PHACTR2: variants seen among roughly 807,000 people sequenced by gnomAD.
PHACTR2 encodes phosphatase and actin regulator 2, also known as chromosome 6 open reading frame 56.
Under a neutral mutation model 76.0 loss-of-function variants are expected in PHACTR2, and 30 were observed. The observed-to-expected ratio is 0.39, with a 90% CI of 0.30 to 0.54. The LOEUF (loss-of-function observed/expected upper bound fraction) is 0.54, where lower values mean the gene tolerates loss of function less well. Among genes scored for constraint, PHACTR2 ranks in the 20% least tolerant of loss-of-function variants. The pLI, the probability that PHACTR2 is intolerant of heterozygous loss-of-function variation, is 0.61. For missense variants in PHACTR2, 696 were observed against 781.1 expected (o/e 0.89, Z 1.30); for synonymous variants, 292 against 292.5 (o/e 1.00, Z 0.02).
rs1014190106 is a variant in PHACTR2 at position 143,625,235 on chromosome 6, A to C, written c.13+16913A>C. Among the ~76,000 whole-genome samples the C allele has an allele frequency of 1.3e-5, 2 of 152,232 alleles. No homozygotes were observed. Among genetic ancestry groups the C allele is most frequent in the Admixed American group, 6.5e-5 (1 of 15,290 alleles). On this transcript the variant is annotated intron_variant, in intron 1 of 11. Coordinates refer to the PHACTR2 transcript ENST00000305766. This position sits in a 1 kb window ranked among gnomAD's most constrained non-coding sequence, Gnocchi z 4.3. ...AGGGCATCATGTGACTATCGTTTAA[A>C]ATACAGTCATGTATACGTACAATAG...
At chr6:143,702,680 A>C (rs887293511) in intron 1 of PHACTR2, among the ~76,000 whole-genome samples, 1 of 151,570 alleles carries the variant, frequency 6.6e-6, no homozygotes, top group Non-Finnish European at 1.5e-5. Flanking sequence ...TAGTTGTCCC[A>C]TGGTGGATAA....
In PHACTR2 at chr6:143,794,937, G is replaced by A. The variant is rs779944233; in HGVS notation, c.1845+6027G>A. On this transcript the variant is annotated intron_variant, in intron 11 of 12. Coordinates refer to ENST00000440869, the MANE Select transcript of PHACTR2 (RefSeq NM_001100164.2). The surrounding 1 kb of genome is among the most constrained non-coding windows in gnomAD (Gnocchi z 4.1). Reference sequence around the variant, plus strand: ...CCACCTTGCATTTTAAAGAGTAGTAGCCAATCAGTCAGTAATTAATCAATG... The same window carrying A: ...CCACCTTGCATTTTAAAGAGTAGTAACCAATCAGTCAGTAATTAATCAATG... 3.0e-4 allele frequency among the ~76,000 whole-genome samples: 45 copies of A among 152,100 alleles called. No individual in the cohort carries two copies. Among genetic ancestry groups the A allele is most frequent in the Non-Finnish European group, 5.0e-4 (34 of 68,034 alleles).
chr6:143,776,819 A>G lies in PHACTR2; in HGVS notation c.1590-509A>G, dbSNP rs917968073. ...GTATGGTGGGAGCATGGCTCCTTGAAGTCTGCCTGGCAGCCCCATTCCTTC... is the reference window on the plus strand; with the variant it reads ...GTATGGTGGGAGCATGGCTCCTTGAGGTCTGCCTGGCAGCCCCATTCCTTC... On this transcript the variant is annotated intron_variant, in intron 8 of 12. Coordinates refer to ENST00000440869, the MANE Select transcript of PHACTR2 (RefSeq NM_001100164.2). The surrounding 1 kb of genome is among the most constrained non-coding windows in gnomAD (Gnocchi z 5.3). 6.6e-6 allele frequency among the ~76,000 whole-genome samples: 1 copy of G among 152,220 alleles called. No homozygotes were observed. The highest frequency in any genetic ancestry group is 1.5e-5 in the Non-Finnish European group (1 of 68,040).
rs967785547 is a variant in PHACTR2 at position 143,633,272 on chromosome 6, G to A, written c.13+24950G>A. Among the ~76,000 whole-genome samples, 2 of 152,208 alleles carry A rather than the reference G, an allele frequency of 1.3e-5. No homozygotes were observed. Among genetic ancestry groups the A allele is most frequent in the African/African-American group, 4.8e-5 (2 of 41,440 alleles). Reference sequence around the variant, plus strand: ...TGCTCCACGTCTCTACCAGGATTTGGTGTTGTCAATGTTCTGGATTTTGAC... The same window carrying A: ...TGCTCCACGTCTCTACCAGGATTTGATGTTGTCAATGTTCTGGATTTTGAC... On this transcript the variant is annotated intron_variant, in intron 1 of 11. Coordinates refer to the PHACTR2 transcript ENST00000305766. The surrounding 1 kb of genome is among the most constrained non-coding windows in gnomAD (Gnocchi z 4.1).
Position 143,616,361 on chromosome 6 carries a change from T to C in PHACTR2, c.13+8039T>C, listed in dbSNP as rs1776059172. Among the ~76,000 whole-genome samples the C allele has an allele frequency of 6.6e-6, 1 of 152,240 alleles. No homozygotes were observed. Among genetic ancestry groups the C allele is most frequent in the Non-Finnish European group, 1.5e-5 (1 of 68,044 alleles). On this transcript the variant is annotated intron_variant, in intron 1 of 11. Transcript: ENST00000305766. The surrounding 1 kb of genome is among the most constrained non-coding windows in gnomAD (Gnocchi z 4.9). The stretch of plus-strand genomic sequence containing the variant: ...TGTCAAGTTCAAATCCTTATATTTA[T>C]TGTTATTAGTAATGATTATATTTGA...
chr6:143,612,350 C>G (rs1315960133), intron 1 of PHACTR2, among the ~76,000 whole-genome samples: 8 of 152,274 alleles, frequency 5.3e-5, no homozygotes, highest in African/African-American at 1.9e-4. Flanking sequence ...ACCTTAGCAG[C>G]CCAGGTTGTC....
At position 143,639,916 on chromosome 6, in the gene PHACTR2, C is replaced by T. The variant is rs557416901; in HGVS notation, c.13+31594C>T. ...ATAATGTGTTCTGGTTCCTAGCCTC[C>T]AGAAGCTGGAGGAAGCAAGGAATAA... On this transcript the variant is annotated intron_variant, in intron 1 of 11. Coordinates refer to the PHACTR2 transcript ENST00000305766. This position sits in a 1 kb window ranked among gnomAD's most constrained non-coding sequence, Gnocchi z 5.0. 5.1e-4 allele frequency among the ~76,000 whole-genome samples: 77 copies of T among 152,320 alleles called. No individual in the cohort carries two copies. Among genetic ancestry groups the T allele is most frequent in the African/African-American group, 1.7e-3 (70 of 41,572 alleles).
chr6:143,617,566 A>G lies in PHACTR2; in HGVS notation c.13+9244A>G, dbSNP rs150601459. Among the ~76,000 whole-genome samples the G allele has an allele frequency of 4.1e-3, 623 of 152,312 alleles. 7 individuals are homozygous for G. The highest frequency in any genetic ancestry group is 0.014 in the African/African-American group (602 of 41,572). ...GCTCCCCACTATATTCTAATGAGCC[A>G]TGAGGGTGACAACCACTGTTAGAGT... On this transcript the variant is annotated intron_variant, in intron 1 of 11. Coordinates refer to the PHACTR2 transcript ENST00000305766. The surrounding 1 kb of genome is among the most constrained non-coding windows in gnomAD (Gnocchi z 4.8).
chr6:143,641,526 G>C lies in PHACTR2; in HGVS notation c.13+33204G>C, dbSNP rs1776560875. Among the ~76,000 whole-genome samples, 1 of 152,152 alleles carries C rather than the reference G, an allele frequency of 6.6e-6. No individual in the cohort carries two copies. Among genetic ancestry groups the C allele is most frequent in the Non-Finnish European group, 1.5e-5 (1 of 68,020 alleles). On this transcript the variant is annotated intron_variant, in intron 1 of 11. Transcript: ENST00000305766. The surrounding 1 kb of genome is among the most constrained non-coding windows in gnomAD (Gnocchi z 5.8). ...GTGTGTTTGTTGTTGTTGTTTTTGA[G>C]ACAGAGTTTCGCTCTTGTTACCCAG...
Position 143,583,796 on chromosome 6 carries a change from C to G in PHACTR2, c.217+46589C>G, listed in dbSNP as rs1454220873. ...ATTCATTGTTTGGAAAATACCTGGA[C>G]TACTATAATAGGTGCCAGGCATCAT... On this transcript the variant is annotated intron_variant, in intron 1 of 11. Transcript: ENST00000367584. This position sits in a 1 kb window ranked among gnomAD's most constrained non-coding sequence, Gnocchi z 4.0. 6.6e-6 allele frequency among the ~76,000 whole-genome samples: 1 copy of G among 152,218 alleles called. No homozygotes were observed.
chr6:143,703,271 T>G (rs1777959756), intron 1 of PHACTR2, among the ~76,000 whole-genome samples: 1 of 151,582 alleles, frequency 6.6e-6, no homozygotes, highest in Non-Finnish European at 1.5e-5. Context: ...GGAAGAAGCA[T>G]AAGGAGGATT....
rs1375832661 is a variant in PHACTR2, at chr6:143,616,403, TTC to T, written c.13+8083_13+8084del. Among the ~76,000 whole-genome samples, 1 of 152,220 alleles carries T rather than the reference TTC, an allele frequency of 6.6e-6. No homozygotes were observed. The highest frequency in any genetic ancestry group is 6.5e-5 in the Admixed American group (1 of 15,288). ...TATATTTGACTTATTAACCTGTATC[TTC>T]TGTTATTTTCCATGTATCCTCTACA... On this transcript the variant is annotated intron_variant, in intron 1 of 11. Coordinates refer to the PHACTR2 transcript ENST00000305766. This position sits in a 1 kb window ranked among gnomAD's most constrained non-coding sequence, Gnocchi z 4.9.
intron 1 of PHACTR2, among the ~76,000 whole-genome samples, chr6:143,560,329 A>G (rs1038723781): frequency 2.0e-5 from 3 of 152,240 alleles, no homozygotes; most frequent in African/African-American, 7.2e-5. Flanking sequence ...CAGTCAATTC[A>G]TTGATTAGAA....
At chr6:143,590,227 T>G (rs1327559935) in intron 1 of PHACTR2, among the ~76,000 whole-genome samples, 1 of 152,210 alleles carries the variant, frequency 6.6e-6, no homozygotes, top group Non-Finnish European at 1.5e-5. Context: ...TTTCCCCGTA[T>G]TTGGTCTTCC....
chr6:143,782,479 G>C lies in PHACTR2; in HGVS notation c.1646-740G>C, dbSNP rs1301914748. 6.6e-6 allele frequency among the ~76,000 whole-genome samples: 1 copy of C among 152,178 alleles called. No individual in the cohort carries two copies. Among genetic ancestry groups the C allele is most frequent in the Non-Finnish European group, 1.5e-5 (1 of 68,032 alleles). Reference sequence around the variant, plus strand: ...GCAACAACCAGCAAAACCTGAAGGGGTGTTTATTTCTTTAAAAATTTTGGA... The same window carrying C: ...GCAACAACCAGCAAAACCTGAAGGGCTGTTTATTTCTTTAAAAATTTTGGA... On this transcript the variant is annotated intron_variant, in intron 9 of 12. Transcript: ENST00000440869. This position sits in a 1 kb window ranked among gnomAD's most constrained non-coding sequence, Gnocchi z 4.6.
At position 143,731,578 on chromosome 6, in the gene PHACTR2, C is replaced by T. The variant is rs746464922; in HGVS notation, c.215-17407C>T. Among the ~76,000 whole-genome samples, 10 of 152,152 alleles carry T rather than the reference C, an allele frequency of 6.6e-5. No individual in the cohort carries two copies. Among genetic ancestry groups the T allele is most frequent in the Non-Finnish European group, 1.5e-4 (10 of 68,020 alleles). ...CTGGGATTACAGGCATGAGCTACGG[C>T]GCCCAGCCAGCCCCACTGTGTTGTG... On this transcript the variant is annotated intron_variant, in intron 2 of 12. Coordinates refer to ENST00000440869, the MANE Select transcript of PHACTR2 (RefSeq NM_001100164.2). The surrounding 1 kb of genome is among the most constrained non-coding windows in gnomAD (Gnocchi z 4.9).
In PHACTR2 at chr6:143,816,184, TCCA is replaced by T. The variant is rs1410878229; in HGVS notation, c.1923-7486_1923-7484del. Reference sequence around the variant, plus strand: ...AGGGCACAGTAAATCTATTTATTCCTCCACCAACTTGAAGCCTAAAGCCAAAAC... The same window carrying T: ...AGGGCACAGTAAATCTATTTATTCCTCCAACTTGAAGCCTAAAGCCAAAAC... On this transcript the variant is annotated intron_variant, in intron 12 of 12. Coordinates refer to ENST00000440869, the MANE Select transcript of PHACTR2 (RefSeq NM_001100164.2). The surrounding 1 kb of genome is among the most constrained non-coding windows in gnomAD (Gnocchi z 4.5). Among the ~76,000 whole-genome samples the T allele has an allele frequency of 6.6e-6, 1 of 152,130 alleles. No individual in the cohort carries two copies. The highest frequency in any genetic ancestry group is 1.5e-5 in the Non-Finnish European group (1 of 68,026).
At chr6:143,593,353 C>G (rs943853899) in intron 1 of PHACTR2, among the ~76,000 whole-genome samples, 1 of 151,732 alleles carries the variant, frequency 6.6e-6, no homozygotes, top group African/African-American at 2.4e-5. Flanking sequence ...TAACTGGTCT[C>G]GGTAGGCCAG....
At position 143,689,216 on chromosome 6, in the gene PHACTR2, C is replaced by A. The variant is rs143216109; in HGVS notation, c.46+11007C>A. On this transcript the variant is annotated intron_variant, in intron 1 of 12. Transcript: ENST00000440869. The surrounding 1 kb of genome is among the most constrained non-coding windows in gnomAD (Gnocchi z 4.4). ...ACCCACCCAGGTCCCACCCACAGCT[C>A]TCTGTGCCTTCACTGCACTTAGCAC... Among the ~76,000 whole-genome samples the A allele has an allele frequency of 1.7e-3, 260 of 152,326 alleles. No homozygotes were observed. The highest frequency in any genetic ancestry group is 5.9e-3 in the African/African-American group (245 of 41,566).
Sources: allele counts gnomAD v4.1 joint callset (sites outside exome capture counted in the v4.1 genomes callset), GRCh38; gene constraint gnomAD v4.1.1; non-coding constraint Gnocchi (gnomAD v3.1); transcripts MANE v1.5; gene names NCBI Gene and HGNC (gene_info 2026-07-23, HGNC 2026-07-21).